Variants in MAN1A1 observed in about 807,000 individuals in gnomAD.
The protein encoded by MAN1A1 is mannosidase alpha class 1A member 1, also known as mannosyl-oligosaccharide 1,2-alpha-mannosidase IA.
A neutral mutation model predicts 70.8 loss-of-function variants in MAN1A1; 29 were observed. The observed-to-expected ratio is 0.41, with a 90% CI of 0.31 to 0.56. MAN1A1 has a LOEUF of 0.56. Among genes scored for constraint, MAN1A1 ranks in the 20% least tolerant of loss-of-function variants. The pLI is 0.29. For synonymous variants in MAN1A1, 349 were observed against 330.1 expected (o/e 1.06, Z -0.62); for missense variants, 747 against 841.3 (o/e 0.89, Z 1.39).
rs140777187 is a variant in MAN1A1, at chr6:119,285,314, T to C, written c.897+5369A>G. ...AACAACCAGACCTTGCTGTAACTAA[T>C]AGAGTGAGAACTCACTCATTACCCT... On this transcript the variant is annotated intron_variant, in intron 5 of 12. Coordinates refer to ENST00000368468, the MANE Select transcript of MAN1A1 (RefSeq NM_005907.4). Among the ~76,000 whole-genome samples, 920 of 151,890 alleles carry C rather than the reference T, an allele frequency of 6.1e-3. 6 individuals carry two copies. Among genetic ancestry groups the C allele is most frequent in the African/African-American group, 0.021 (870 of 41,432 alleles).
chr6:119,222,928 G>C (rs1471226705), intron 6 of MAN1A1, among the ~76,000 whole-genome samples: 4 of 152,074 alleles, frequency 2.6e-5, no homozygotes, highest in Non-Finnish European at 5.9e-5. Flanking sequence ...ATTCAAAAGG[G>C]AAGGGAAATT....
At chr6:119,270,670 C>G (rs1266466110) in intron 5 of MAN1A1, among the ~76,000 whole-genome samples, 1 of 152,164 alleles carries the variant, frequency 6.6e-6, no homozygotes, top group Non-Finnish European at 1.5e-5. Flanking sequence ...AAACAATATT[C>G]CCAAGTTCTT....
At chr6:119,238,899 T>G (rs1774926879) in intron 6 of MAN1A1, among the ~76,000 whole-genome samples, 2 of 151,842 alleles carry the variant, frequency 1.3e-5, no homozygotes, top group African/African-American at 2.4e-5. Context: ...TTATTATTAT[T>G]ATTATTTTTG....
chr6:119,188,695 A>G, intron 10 of MAN1A1, 118 bp from the exon 11 acceptor site: 2 of 914,718 alleles, frequency 2.2e-6, no homozygotes, highest in East Asian at 2.5e-5. Flanking sequence ...GACTGGTTCC[A>G]GGACCCTCCG....
At chr6:119,252,784 CTT>C (rs1306260078) in intron 5 of MAN1A1, among the ~76,000 whole-genome samples, 1 of 151,904 alleles carries the variant, frequency 6.6e-6, no homozygotes. Flanking sequence ...AAGTGAGACT[CTT>C]GTCTCAAAAA....
At chr6:119,204,671 C>G in intron 7 of MAN1A1, 88 bp downstream of exon 7, 1 of 1,501,376 alleles carries the variant, frequency 6.7e-7, no homozygotes, top group Non-Finnish European at 9.0e-7. Context: ...TTATTATTTC[C>G]ACTTCAAAAA....
rs1554209499 is a variant in MAN1A1 at position 119,260,976 on chromosome 6, G to GCTTTTTTTTTTTTTTTTTTTTT, written c.898-12623_898-12622insAAAAAAAAAAAAAAAAAAAAAG. Among the ~76,000 whole-genome samples the GCTTTTTTTTTTTTTTTTTTTTT allele has an allele frequency of 3.4e-4, 40 of 116,946 alleles. 3 individuals carry two copies. The highest frequency in any genetic ancestry group is 3.4e-4 in the Non-Finnish European group (20 of 59,038). 76.7% of individuals were successfully genotyped at this position (116,946 alleles called of 152,430 possible). ...TATCTAAATGTCTTGTTTTTTTATT[G>GCTTTTTTTTTTTTTTTTTTTTT]TTTTTTTTTTTTTTTTTTTTGAGAT... On this transcript the variant is annotated intron_variant, in intron 5 of 12. Coordinates refer to ENST00000368468, the MANE Select transcript of MAN1A1 (RefSeq NM_005907.4).
chr6:119,196,570 G>A (rs77447673), intron 8 of MAN1A1, among the ~76,000 whole-genome samples: 1,825 of 152,206 alleles, frequency 0.012, 35 homozygotes, highest in African/African-American at 0.042. Flanking sequence ...GAGGTGTACT[G>A]TAGTCAGTCA....
rs115381642 is a variant in MAN1A1 at position 119,325,730 on chromosome 6, G to T, written c.604-18738C>A. ...AATACCCCTATTGAGCCCAGAATAC[G>T]AACAATAATGGAATTGAAATAAGAT... On this transcript the variant is annotated intron_variant, in intron 2 of 12. Coordinates refer to ENST00000368468, the MANE Select transcript of MAN1A1 (RefSeq NM_005907.4). 2.5e-3 allele frequency among the ~76,000 whole-genome samples: 381 copies of T among 152,152 alleles called. 1 individual carries two copies. Among genetic ancestry groups the T allele is most frequent in the African/African-American group, 8.9e-3 (369 of 41,536 alleles).
chr6:119,190,901 A>C (rs1225963855), intron 9 of MAN1A1, among the ~76,000 whole-genome samples: 2 of 152,220 alleles, frequency 1.3e-5, no homozygotes, highest in African/African-American at 2.4e-5. Flanking sequence ...CCCCACAATT[A>C]CTTCATGGAA....
intron 4 of MAN1A1, among the ~76,000 whole-genome samples, chr6:119,291,241 CT>C (rs1481908463): frequency 6.6e-6 from 1 of 151,962 alleles, no homozygotes; most frequent in African/African-American, 2.4e-5. Flanking sequence ...CTCTCTTTGC[CT>C]GTTGCCATCC....
At position 119,318,983 on chromosome 6, in the gene MAN1A1, A is replaced by T. The variant is rs150111071; in HGVS notation, c.604-11991T>A. ...TAGCTTGAATGTCAATAATACTCTAAACATTGCCACTAAATGGCAATATCA... is the reference window on the plus strand; with the variant it reads ...TAGCTTGAATGTCAATAATACTCTATACATTGCCACTAAATGGCAATATCA... On this transcript the variant is annotated intron_variant, in intron 2 of 12. Coordinates refer to ENST00000368468, the MANE Select transcript of MAN1A1 (RefSeq NM_005907.4). Among the ~76,000 whole-genome samples, 70 of 152,356 alleles carry T rather than the reference A, an allele frequency of 4.6e-4. No individual in the cohort carries two copies. The East Asian group carries it at 0.01, about 22-fold the overall frequency.
chr6:119,304,719 G>A (rs564501555), intron 3 of MAN1A1, among the ~76,000 whole-genome samples: 125 of 152,166 alleles, frequency 8.2e-4, no homozygotes, highest in African/African-American at 2.2e-3. Context: ...GCTCCCCAAC[G>A]GCTAATAACT....
chr6:119,238,855 T>A (rs1196452216), intron 6 of MAN1A1, among the ~76,000 whole-genome samples: 1 of 152,166 alleles, frequency 6.6e-6, no homozygotes, highest in Non-Finnish European at 1.5e-5. Context: ...AACATGAGCA[T>A]TCACATAAAG....
At chr6:119,326,013 G>A (rs1773137606) in intron 2 of MAN1A1, among the ~76,000 whole-genome samples, 1 of 152,208 alleles carries the variant, frequency 6.6e-6, no homozygotes, top group African/African-American at 2.4e-5. Context: ...CACAGCAACA[G>A]ACCTGTTGTT....
In MAN1A1 at chr6:119,179,708, C is replaced by T. The variant is rs1244080346; in HGVS notation, c.*111G>A. 1 of 1,004,426 alleles carries T rather than the reference C, an allele frequency of 1.0e-6. No homozygotes were observed. Among genetic ancestry groups the T allele is most frequent in the Non-Finnish European group, 1.5e-6 (1 of 685,068 alleles). 62.2% of individuals were successfully genotyped at this position (1,004,426 alleles called of 1,614,324 possible). A position where few individuals can be genotyped will look rare whatever the true frequency, so the allele number is the denominator to read the frequency against. ...AAAAGACTGCAAAACAATTTAAGAA[C>T]TTAATCACAGACCTACTAATCAAAG... is the stretch of plus-strand genomic sequence containing the variant. On this transcript the variant is annotated 3_prime_UTR_variant, in exon 13 of 13. Transcript: ENST00000368468.
At chr6:119,282,171 A>G (rs1227282120) in intron 5 of MAN1A1, among the ~76,000 whole-genome samples, 1 of 152,238 alleles carries the variant, frequency 6.6e-6, no homozygotes, top group Non-Finnish European at 1.5e-5. Flanking sequence ...GGGCTAGGCC[A>G]GCTTCTACCA....
chr6:119,241,777 A>G (rs75032541), intron 6 of MAN1A1, among the ~76,000 whole-genome samples: 4,257 of 152,312 alleles, frequency 0.028, 94 homozygotes, highest in Non-Finnish European at 0.045. Flanking sequence ...ATTTAAAACA[A>G]TGATTCTTGA....
chr6:119,180,519 A>ATTTT (rs68020138), intron 11 of MAN1A1, 92 bp from the exon 12 acceptor site: 71,469 of 563,444 alleles, frequency 0.13, 1,917 homozygotes, highest in East Asian at 0.23. Context: ...CAGATAAAAC[A>ATTTT]TTTTTTTTTT....
Sources: gnomAD v4.1 joint callset for allele counts (sites outside exome capture counted in the v4.1 genomes callset) on GRCh38, gnomAD v4.1.1 for gene constraint, MANE v1.5 for transcripts, NCBI Gene and HGNC (gene_info 2026-07-23, HGNC 2026-07-21) for gene names.